SNTG1: variants seen among roughly 807,000 people sequenced by gnomAD.
SNTG1 encodes syntrophin gamma 1, also known as gamma-1-syntrophin.
SNTG1 carries 39 observed loss-of-function variants against 74.7 expected under a neutral mutation model. The ratio of observed to expected loss-of-function variants is 0.52; its 90% CI spans 0.40 to 0.68. SNTG1 has a LOEUF of 0.68. SNTG1 is among the 30% of genes least tolerant of loss of function. SNTG1 has a pLI of 0.00. For synonymous variants in SNTG1, 254 were observed against 217.1 expected (o/e 1.17, Z -1.49); for missense variants, 685 against 609.5 (o/e 1.12, Z -1.30).
chr8:49,916,054 C>G (rs2129337598), intron 1 of SNTG1, among the ~76,000 whole-genome samples: 1 of 152,176 alleles, frequency 6.6e-6, no homozygotes, highest in East Asian at 1.9e-4. Flanking sequence ...TGACAGTATT[C>G]TTAGGAAATA....
chr8:50,446,965 A>G (rs1174946905), intron 5 of SNTG1, among the ~76,000 whole-genome samples: 2 of 152,234 alleles, frequency 1.3e-5, no homozygotes, highest in African/African-American at 2.4e-5. Flanking sequence ...ATAGTAAAAT[A>G]TTAACAATAA....
At chr8:50,033,940 G>A (rs1483842886) in intron 1 of SNTG1, among the ~76,000 whole-genome samples, 2 of 152,134 alleles carry the variant, frequency 1.3e-5, no homozygotes, top group Non-Finnish European at 2.9e-5. Context: ...AGTCACAGAT[G>A]GGAAAAGATA....
chr8:50,175,089 C>T (rs1044117466), intron 2 of SNTG1, among the ~76,000 whole-genome samples: 10 of 152,070 alleles, frequency 6.6e-5, no homozygotes, highest in African/African-American at 2.4e-4. Flanking sequence ...ATATTTGCCA[C>T]ATTTTCTTAA....
chr8:50,530,771 AC>A (rs1469582002), intron 10 of SNTG1, among the ~76,000 whole-genome samples: 4 of 152,176 alleles, frequency 2.6e-5, no homozygotes, highest in African/African-American at 9.7e-5. Context: ...TTAAAATTAA[AC>A]TTTGTTTTAT....
intron 13 of SNTG1, among the ~76,000 whole-genome samples, chr8:50,649,636 G>A (rs1415353887): frequency 6.6e-6 from 1 of 152,154 alleles, no homozygotes; most frequent in Admixed American, 6.5e-5. Context: ...TACAACAGTG[G>A]TTTTAAATTG....
intron 13 of SNTG1, among the ~76,000 whole-genome samples, chr8:50,625,404 T>G (rs905266376): frequency 6.6e-6 from 1 of 152,200 alleles, no homozygotes; most frequent in Non-Finnish European, 1.5e-5. Flanking sequence ...CTGATGACTA[T>G]GTCAAGATGA....
At chr8:50,651,867 C>T (rs1449302989) in intron 13 of SNTG1, among the ~76,000 whole-genome samples, 3 of 152,022 alleles carry the variant, frequency 2.0e-5, no homozygotes, top group Non-Finnish European at 2.9e-5. Context: ...GCAACCTCCA[C>T]CTCCCAGGTT....
chr8:50,792,384 G>T (rs1201119525), intron 18 of SNTG1, among the ~76,000 whole-genome samples: 1 of 151,732 alleles, frequency 6.6e-6, no homozygotes, highest in Non-Finnish European at 1.5e-5. Context: ...ATTATCAAGA[G>T]TAAAATTTTG....
chr8:50,295,848 A>G (rs1184574608), intron 2 of SNTG1, among the ~76,000 whole-genome samples: 3 of 152,176 alleles, frequency 2.0e-5, no homozygotes, highest in Non-Finnish European at 4.4e-5. Context: ...ATATCTTTGG[A>G]CAAAATGTTC....
chr8:50,321,914 A>G (rs2090546625), intron 2 of SNTG1, among the ~76,000 whole-genome samples: 1 of 152,102 alleles, frequency 6.6e-6, no homozygotes, highest in Non-Finnish European at 1.5e-5. Flanking sequence ...AATGTGTTGT[A>G]GTTATTATTT....
intron 5 of SNTG1, among the ~76,000 whole-genome samples, chr8:50,440,739 A>G (rs2088544458): frequency 6.6e-6 from 1 of 152,208 alleles, no homozygotes; most frequent in African/African-American, 2.4e-5. Context: ...ATTATTAATT[A>G]AAACCTTTAT....
intron 2 of SNTG1, among the ~76,000 whole-genome samples, chr8:50,307,804 C>A (rs890494642): frequency 6.6e-6 from 1 of 151,890 alleles, no homozygotes; most frequent in Non-Finnish European, 1.5e-5. Flanking sequence ...TTGTAGACAT[C>A]ATTTATTTAT....
chr8:50,613,932 T>C (rs1483409648), intron 13 of SNTG1, among the ~76,000 whole-genome samples: 1 of 152,140 alleles, frequency 6.6e-6, no homozygotes, highest in East Asian at 1.9e-4. Flanking sequence ...CACAAAATAA[T>C]TCCATCTGTT....
At chr8:50,534,260 A>G (rs554805029) in intron 10 of SNTG1, among the ~76,000 whole-genome samples, 4 of 152,218 alleles carry the variant, frequency 2.6e-5, no homozygotes, top group East Asian at 1.9e-4. Context: ...ATTGTTTACT[A>G]TAGAACTTAG....
At chr8:49,986,910 A>C (rs1003171129) in intron 1 of SNTG1, among the ~76,000 whole-genome samples, 18 of 152,174 alleles carry the variant, frequency 1.2e-4, no homozygotes, top group African/African-American at 4.3e-4. Context: ...TGTAAATATA[A>C]ATAAATATCT....
At chr8:49,916,720 A>G (rs1246268387) in intron 1 of SNTG1, among the ~76,000 whole-genome samples, 5 of 152,096 alleles carry the variant, frequency 3.3e-5, no homozygotes, top group Admixed American at 2.0e-4. Context: ...TAAAACTATG[A>G]AAAGGCCAAG....
intron 2 of SNTG1, among the ~76,000 whole-genome samples, chr8:50,355,088 T>G (rs2091780884): frequency 6.6e-6 from 1 of 152,114 alleles, no homozygotes; most frequent in Non-Finnish European, 1.5e-5. Flanking sequence ...GGAAGGCTAT[T>G]TTAAATGCAA....
intron 9 of SNTG1, among the ~76,000 whole-genome samples, chr8:50,511,103 C>T (rs2094068815): frequency 6.6e-6 from 1 of 152,218 alleles, no homozygotes; most frequent in Admixed American, 6.5e-5. Context: ...CCCAAAGATT[C>T]TGGCATGTTG....
At chr8:50,448,829 T>C (rs560966121) in intron 5 of SNTG1, among the ~76,000 whole-genome samples, 3 of 152,130 alleles carry the variant, frequency 2.0e-5, no homozygotes, top group African/African-American at 4.8e-5. Flanking sequence ...GGTCAGGAGA[T>C]GGAAACTATC....
Sources: gnomAD v4.1 joint callset for allele counts (sites outside exome capture counted in the v4.1 genomes callset) on GRCh38, gnomAD v4.1.1 for gene constraint, MANE v1.5 for transcripts, NCBI Gene and HGNC (gene_info 2026-07-23, HGNC 2026-07-21) for gene names.